The following CDK8 variants were observed in gnomAD, a reference collection of about 807,000 sequenced individuals.
CDK8 encodes the protein cyclin dependent kinase 8, also known as cyclin-dependent kinase 8.
A neutral mutation model predicts 71.5 loss-of-function variants in CDK8; 29 were observed. The observed-to-expected ratio is 0.41, with a 90% confidence interval of 0.30 to 0.55. The LOEUF is 0.55. Among genes scored for constraint, CDK8 ranks in the 20% least tolerant of loss-of-function variants. The probability of loss-of-function intolerance (pLI) is 0.37; values close to 1 mark genes in which losing one functional copy is unlikely to be tolerated. For missense variants in CDK8, 288 were observed against 572.6 expected, an observed-to-expected ratio of 0.50 and a Z score of 5.07; for synonymous variants, 161 against 192.1, an observed-to-expected ratio of 0.84 and a Z score of 1.34.
intron 7 of CDK8, 125 bp downstream of exon 7, chr13:26,393,635 C>T: frequency 1.1e-6 from 1 of 938,142 alleles, no homozygotes; most frequent in Non-Finnish European, 1.6e-6. Context: ...TGTTTTTTGA[C>T]TTGCATTTAT....
chr13:26,344,527 G>A (rs974580515), intron 2 of CDK8, among the ~76,000 whole-genome samples: 16 of 152,304 alleles, frequency 1.1e-4, no homozygotes, highest in South Asian at 4.1e-4. Context: ...TTGGGAGGCC[G>A]AGGTGGACAG....
chr13:26,355,828 A>G (rs1593284749), intron 4 of CDK8, among the ~76,000 whole-genome samples: 1 of 152,156 alleles, frequency 6.6e-6, no homozygotes, highest in Non-Finnish European at 1.5e-5. Flanking sequence ...CAGTTATGCT[A>G]AGATAGCTCT....
chr13:26,388,384 G>T (rs1875581491), intron 6 of CDK8, among the ~76,000 whole-genome samples: 1 of 151,912 alleles, frequency 6.6e-6, no homozygotes, highest in Non-Finnish European at 1.5e-5. Flanking sequence ...TACATATCTG[G>T]GTATCTTCTT....
chr13:26,335,950 C>T (rs2137970655), intron 1 of CDK8, among the ~76,000 whole-genome samples: 1 of 143,004 alleles, frequency 7.0e-6, no homozygotes, highest in South Asian at 2.3e-4. Context: ...ACAACAACAA[C>T]AACAGACCTT....
chr13:26,312,754 C>T (rs1874346662), intron 1 of CDK8, among the ~76,000 whole-genome samples: 1 of 152,206 alleles, frequency 6.6e-6, no homozygotes, highest in Non-Finnish European at 1.5e-5. Context: ...AGGTCTGCTC[C>T]TCCTTGTGTG....
intron 12 of CDK8, among the ~76,000 whole-genome samples, chr13:26,402,814 G>T (rs1055594293): frequency 1.3e-5 from 2 of 152,224 alleles, no homozygotes; most frequent in East Asian, 3.9e-4. Context: ...TTCTGGAACC[G>T]AGAAAATGAT....
intron 1 of CDK8, among the ~76,000 whole-genome samples, chr13:26,269,139 G>A (rs1354162570): frequency 6.6e-6 from 1 of 152,176 alleles, no homozygotes; most frequent in Non-Finnish European, 1.5e-5. Flanking sequence ...ACTCATTCAT[G>A]TTAGGTAAGC....
At chr13:26,356,379 CT>C (rs1873899238) in intron 4 of CDK8, among the ~76,000 whole-genome samples, 1 of 152,148 alleles carries the variant, frequency 6.6e-6, no homozygotes, top group African/African-American at 2.4e-5. Context: ...GTGTCTGCTG[CT>C]ATCTTCTTTG....
chr13:26,322,709 C>T (rs1437560823), intron 1 of CDK8, among the ~76,000 whole-genome samples: 1 of 152,104 alleles, frequency 6.6e-6, no homozygotes, highest in East Asian at 1.9e-4. Context: ...TTATCTGACT[C>T]GAGTTATTGA....
At chr13:26,267,812 C>T (rs569022284) in intron 1 of CDK8, among the ~76,000 whole-genome samples, 19 of 152,278 alleles carry the variant, frequency 1.2e-4, no homozygotes, top group African/African-American at 4.6e-4. Flanking sequence ...TAGAACTTCC[C>T]AGGCTCCCAA....
At chr13:26,276,155 G>C (rs954054899) in intron 1 of CDK8, among the ~76,000 whole-genome samples, 1 of 152,074 alleles carries the variant, frequency 6.6e-6, no homozygotes, top group Non-Finnish European at 1.5e-5. Flanking sequence ...GTAACCGGCT[G>C]TACCTTTTAA....
chr13:26,340,905 A>G (rs1368429883), intron 2 of CDK8, among the ~76,000 whole-genome samples: 2 of 152,198 alleles, frequency 1.3e-5, no homozygotes, highest in Admixed American at 6.5e-5. Context: ...TCTAAAAGCA[A>G]AGAGCATTGC....
In CDK8 at chr13:26,397,792, A is replaced by G. The variant is rs114150212; in HGVS notation, c.933+567A>G. Among the ~76,000 whole-genome samples the G allele has an allele frequency of 4.5e-3, 693 of 152,314 alleles. 4 individuals carry two copies. Among genetic ancestry groups the G allele is most frequent in the African/African-American group, 0.015 (644 of 41,586 alleles). The stretch of plus-strand genomic sequence containing the variant: ...AATTGAATCCGTGCACTAACAAGGT[A>G]ATTTGTGATGAAATTATATACAGCC... On this transcript the variant is annotated intron_variant, in intron 9 of 12. Coordinates refer to ENST00000381527, the MANE Select transcript of CDK8 (RefSeq NM_001260.3).
chr13:26,347,127 G>A (rs1873492111), intron 2 of CDK8, among the ~76,000 whole-genome samples: 1 of 151,984 alleles, frequency 6.6e-6, no homozygotes, highest in African/African-American at 2.4e-5. Flanking sequence ...CTTTTTTACT[G>A]GATGGATTGT....
chr13:26,353,747 T>C lies in CDK8; in HGVS notation c.323T>C (p.Ile108Thr), dbSNP rs1309995683. Residue 108 changes from isoleucine (I) to threonine (T), a missense_variant, in exon 4 of 13, where the codon ATC becomes ACC. Physicochemically the swap from Ile to Thr is moderately conservative, Grantham distance 89. This residue lies in a region of CDK8 where 95 missense variants were observed against 177.3 expected (regional missense o/e 0.54). Coordinates refer to ENST00000381527, the MANE Select transcript of CDK8 (RefSeq NM_001260.3). ...TTTTTTTCTTTCTTTCAGCATATAA[T>C]CAAGTTTCACAGAGCTTCTAAAGCA... Reference protein sequence around the residue: ...DYAEHDLWHIIKFHRASKANK... With the variant: ...DYAEHDLWHITKFHRASKANK... 6.2e-7 allele frequency: 1 copy of C among 1,610,276 alleles called. No homozygotes were observed.
chr13:26,378,560 T>C (rs1341272246), intron 4 of CDK8, among the ~76,000 whole-genome samples: 1 of 152,232 alleles, frequency 6.6e-6, no homozygotes, highest in African/African-American at 2.4e-5. Context: ...GATCTATCAT[T>C]ATTTCTGTGC....
chr13:26,312,653 C>T (rs1874341765), intron 1 of CDK8, among the ~76,000 whole-genome samples: 2 of 151,826 alleles, frequency 1.3e-5, no homozygotes, highest in South Asian at 2.1e-4. Flanking sequence ...ACACTCACCT[C>T]TAGGGTCCGC....
At chr13:26,337,010 G>C (rs1234859098) in intron 1 of CDK8, among the ~76,000 whole-genome samples, 1 of 135,660 alleles carries the variant, frequency 7.4e-6, no homozygotes, top group African/African-American at 3.9e-5. Context: ...GAAGGAACTT[G>C]TTGTATCCTC....
chr13:26,393,619 A>T, intron 7 of CDK8, 109 bp downstream of exon 7: 1 of 1,113,756 alleles, frequency 9.0e-7, no homozygotes, highest in Non-Finnish European at 1.3e-6. Flanking sequence ...CTTTTACTTG[A>T]GTCTTTGTTT....
Sources: allele counts gnomAD v4.1 joint callset (sites outside exome capture counted in the v4.1 genomes callset), GRCh38; gene constraint gnomAD v4.1.1; regional missense constraint gnomAD v4.1.1; transcripts MANE v1.5; gene names NCBI Gene and HGNC (gene_info 2026-07-23, HGNC 2026-07-21).